Variants in SP140 observed in about 807,000 individuals in gnomAD.
SP140 encodes SP140 nuclear body protein, also known as nuclear body protein SP140.
SP140 carries 81 observed loss-of-function variants against 125.0 expected under a neutral mutation model. The ratio of observed to expected loss-of-function variants is 0.65; its 90% CI spans 0.54 to 0.78. The LOEUF is 0.78. Ranked by LOEUF, SP140 falls within the 30% of genes least tolerant of loss-of-function variation. SP140 has a pLI of 0.00. For missense variants in SP140, 858 were observed against 1,037.0 expected (o/e 0.83, Z 2.37); for synonymous variants, 312 against 354.0 (o/e 0.88, Z 1.33).
At chr2:230,200,741 G>A (rs1423654383), upstream of SP140, 1 of 705,186 alleles carries the variant, frequency 1.4e-6, no homozygotes, top group Non-Finnish European at 2.6e-6. Context: ...GAAGGGTCTT[G>A]ATTAAGAAAA....
Position 230,211,189 on chromosome 2 carries a change from C to T in SP140, c.-322-2465C>T, listed in dbSNP as rs189320768. Among the ~76,000 whole-genome samples the T allele has an allele frequency of 8.9e-4, 136 of 152,312 alleles. 1 individual carries two copies. The highest frequency in any genetic ancestry group is 1.7e-3 in the Non-Finnish European group (113 of 68,036). On this transcript the variant is annotated intron_variant, in intron 1 of 4. Transcript: ENST00000456542. The surrounding 1 kb of genome is among the most constrained non-coding windows in gnomAD (Gnocchi z 4.2). Reference sequence around the variant, plus strand: ...CGCTTTGTGGCATTTGGAGTCCAAACCTACAGGCACTGGTGGGGCTCTGTC... The same window carrying T: ...CGCTTTGTGGCATTTGGAGTCCAAATCTACAGGCACTGGTGGGGCTCTGTC...
At chr2:230,250,178 T>C (rs1440949833) in intron 9 of SP140, among the ~76,000 whole-genome samples, 5 of 152,230 alleles carry the variant, frequency 3.3e-5, no homozygotes, top group Non-Finnish European at 1.5e-5. Context: ...ATCAGACTCT[T>C]TTTCTCTGCT....
At chr2:230,265,761 C>A (rs2053004890) in intron 12 of SP140, among the ~76,000 whole-genome samples, 2 of 148,246 alleles carry the variant, frequency 1.3e-5, no homozygotes, top group South Asian at 4.4e-4. Flanking sequence ...CCTTTTCCCA[C>A]TTCTGCAGTT....
intron 10 of SP140, 82 bp from the exon 11 acceptor site, chr2:230,253,234 G>A (rs553679748): frequency 2.1e-6 from 2 of 945,706 alleles, no homozygotes; most frequent in Admixed American, 3.5e-5. Context: ...AACAAGACAG[G>A]GGTGGCTCTT....
chr2:230,214,108 A>C (rs1173734535), intron 3 of SP140: 1 of 152,142 alleles, frequency 6.6e-6, no homozygotes, highest in Non-Finnish European at 1.5e-5. Context: ...ACAGTGTTTT[A>C]CTTCCAACCT....
intron 21 of SP140, among the ~76,000 whole-genome samples, chr2:230,296,450 A>C (rs911154173): frequency 6.6e-6 from 1 of 152,192 alleles, no homozygotes; most frequent in African/African-American, 2.4e-5. Context: ...AAGGATGCCA[A>C]GTCATGCCAT....
intron 3 of SP140, among the ~76,000 whole-genome samples, chr2:230,241,148 CCAGAA>C (rs1360600222): frequency 1.3e-5 from 2 of 152,152 alleles, no homozygotes; most frequent in East Asian, 3.9e-4. Context: ...GTGATAGGAA[CCAGAA>C]CAGTGGTGTC....
chr2:230,246,735 A>G (rs2049510645), intron 7 of SP140, among the ~76,000 whole-genome samples: 1 of 152,226 alleles, frequency 6.6e-6, no homozygotes, highest in African/African-American at 2.4e-5. Context: ...AGGCATGGAA[A>G]TGAGCACCAT....
intron 12 of SP140, among the ~76,000 whole-genome samples, chr2:230,256,450 A>G (rs1575051587): frequency 6.7e-6 from 1 of 148,916 alleles, no homozygotes; most frequent in Admixed American, 6.8e-5. Context: ...GCATGTTCTC[A>G]CTCATAGGTG....
In SP140 at chr2:230,238,306, C is replaced by G. The variant is rs769105901; in HGVS notation, c.331C>G (p.Leu111Val). 4 of 1,614,048 alleles carry G rather than the reference C, an allele frequency of 2.5e-6. No homozygotes were observed. The Admixed American group carries it at 5.0e-5, about 20-fold the overall frequency. Residue 111 changes from leucine (L) to valine (V), a missense_variant, in exon 3 of 27, where the codon CTG becomes GTG. Coordinates refer to ENST00000392045, the MANE Select transcript of SP140 (RefSeq NM_007237.5). Reference protein sequence around the residue: ...ELEKTFGWSHLEALFSRINLM... With the variant: ...ELEKTFGWSHVEALFSRINLM... Reference sequence around the variant, plus strand: ...GGAGAAGACATTTGGCTGGTCACATCTGGAAGCATTGTTCAGCAGGATTAA... The same window carrying G: ...GGAGAAGACATTTGGCTGGTCACATGTGGAAGCATTGTTCAGCAGGATTAA...
intron 3 of SP140, among the ~76,000 whole-genome samples, chr2:230,215,780 C>G (rs1394201057): frequency 1.3e-5 from 2 of 152,220 alleles, no homozygotes; most frequent in East Asian, 1.9e-4. Context: ...TAGGCACTGT[C>G]AAGTGGAGAA....
chr2:230,294,234 C>T lies in SP140; in HGVS notation c.1969-37C>T, dbSNP rs776131274. ...ATGCCAGACTCACAAAACGGAAACA[C>T]AGGCTGACCATATACCTGAATCTTT... On this transcript the variant is annotated intron_variant, in intron 20 of 26. Coordinates refer to ENST00000392045, the MANE Select transcript of SP140 (RefSeq NM_007237.5). 3 of 1,587,158 alleles carry T rather than the reference C, an allele frequency of 1.9e-6. No homozygotes were observed. The South Asian group carries it at 3.3e-5, about 18-fold the overall frequency.
At chr2:230,256,287 T>G (rs564980537) in intron 12 of SP140, among the ~76,000 whole-genome samples, 2,253 of 152,064 alleles carry the variant, frequency 0.015, 38 homozygotes, top group African/African-American at 0.051. Context: ...TGTCCAACAA[T>G]GATAGACTGG....
At chr2:230,241,063 A>T (rs2048654071) in intron 3 of SP140, among the ~76,000 whole-genome samples, 1 of 152,254 alleles carries the variant, frequency 6.6e-6, no homozygotes, top group African/African-American at 2.4e-5. Context: ...TACATACTGC[A>T]TGATCCTATT....
At chr2:230,233,396 CA>C (rs921133085) in intron 1 of SP140, among the ~76,000 whole-genome samples, 2 of 151,548 alleles carry the variant, frequency 1.3e-5, no homozygotes, top group Non-Finnish European at 2.9e-5. Flanking sequence ...CAAAACAAAA[CA>C]AAAAAAACAT....
intron 15 of SP140, among the ~76,000 whole-genome samples, chr2:230,273,619 T>C (rs2054259545): frequency 6.6e-6 from 1 of 152,184 alleles, no homozygotes; most frequent in Admixed American, 6.6e-5. Context: ...GGAATATAAA[T>C]CATTCTATTA....
At chr2:230,241,313 G>T (rs1176966472) in intron 3 of SP140, 91 bp from the exon 4 acceptor site, 1 of 802,374 alleles carries the variant, frequency 1.2e-6, no homozygotes, top group Non-Finnish European at 2.2e-6. Flanking sequence ...GGGAGATCCT[G>T]GGGCTTGGAC....
At chr2:230,290,607 G>A in intron 19 of SP140, 43 bp downstream of exon 19, 1 of 1,458,984 alleles carries the variant, frequency 6.9e-7, no homozygotes, top group African/African-American at 1.4e-5. Flanking sequence ...CCTATCTGAA[G>A]GCATCACAAG....
the SP140 span, among the ~76,000 whole-genome samples, chr2:230,189,773 T>A: frequency 6.6e-6 from 1 of 152,138 alleles, no homozygotes; most frequent in Non-Finnish European, 1.5e-5. Flanking sequence ...AACTCCCACT[T>A]ATGAGTGAGA....
Sources: gnomAD v4.1 joint callset for allele counts (sites outside exome capture counted in the v4.1 genomes callset) on GRCh38, gnomAD v4.1.1 for gene constraint, Gnocchi (gnomAD v3.1) non-coding constraint, MANE v1.5 for transcripts, NCBI Gene and HGNC (gene_info 2026-07-23, HGNC 2026-07-21) for gene names.